Variants in STAB2 observed in about 807,000 individuals in gnomAD.
The protein encoded by STAB2 is stabilin 2, also known as stabilin-2.
A neutral mutation model predicts 338.1 loss-of-function variants in STAB2; 288 were observed. The observed-to-expected ratio is 0.85, with a 90% confidence interval of 0.77 to 0.94. The LOEUF (loss-of-function observed/expected upper bound fraction) is 0.94, where lower values mean the gene tolerates loss of function less well. Among genes scored for constraint, STAB2 ranks in the 40% least tolerant of loss-of-function variants. STAB2 has a pLI of 0.00. For missense variants in STAB2, 3,141 were observed against 3,210.1 expected, an observed-to-expected ratio of 0.98 and a Z score of 0.52; for synonymous variants, 1,202 against 1,193.3, an observed-to-expected ratio of 1.01 and a Z score of -0.15.
In STAB2 at chr12:103,620,491, C is replaced by G; in HGVS notation, c.355C>G (p.Pro119Ala). Residue 119 changes from proline (P) to alanine (A), a missense_variant, in exon 4 of 69, where the codon CCC (proline) becomes GCC (alanine). Transcript: ENST00000388887. ...AGAGTGCCCAGGTGGAGCGGGGTCA[C>G]CCTGCAATGGCAGAGGCAGTTGTGC... ...CIECPGGAGSPCNGRGSCAEG... is the reference protein window; with the variant it reads ...CIECPGGAGSACNGRGSCAEG... 3.2e-6 allele frequency: 5 copies of G among 1,584,706 alleles called. No individual in the cohort carries two copies. The highest frequency in any genetic ancestry group is 3.4e-6 in the Non-Finnish European group (4 of 1,164,064).
intron 61 of STAB2, among the ~76,000 whole-genome samples, chr12:103,754,578 A>G (rs1273933616): frequency 6.6e-6 from 1 of 152,134 alleles, no homozygotes; most frequent in Admixed American, 6.5e-5. Flanking sequence ...GGTGATTATG[A>G]TAATGGTGGT....
At chr12:103,732,474 G>A (rs1279449101) in intron 50 of STAB2, among the ~76,000 whole-genome samples, 1 of 152,158 alleles carries the variant, frequency 6.6e-6, no homozygotes, top group Non-Finnish European at 1.5e-5. Flanking sequence ...AGTCACTGGG[G>A]ACTCCAGAAT....
At chr12:103,746,949 CTTTTTT>C (rs370851005) in intron 58 of STAB2, among the ~76,000 whole-genome samples, 23 of 96,084 alleles carry the variant, frequency 2.4e-4, no homozygotes, top group Admixed American at 7.3e-4. Context: ...GTTTTTCTTT[CTTTTTT>C]TTTTTTTTTT....
At chr12:103,750,456 A>G in intron 59 of STAB2, 123 bp from the exon 60 acceptor site, 2 of 1,258,608 alleles carry the variant, frequency 1.6e-6, no homozygotes, top group East Asian at 2.3e-5. Flanking sequence ...ACTGGACAGG[A>G]AAGGCACGTT....
chr12:103,755,503 C>T (rs1327583350), intron 62 of STAB2, 36 bp downstream of exon 62: 5 of 1,610,712 alleles, frequency 3.1e-6, no homozygotes, highest in Non-Finnish European at 4.2e-6. Context: ...TTCTGGGCCA[C>T]ACAGCTGCTG....
At position 103,724,472 on chromosome 12, in the gene STAB2, G is replaced by A. The variant is rs551090002; in HGVS notation, c.4684-503G>A. On this transcript the variant is annotated intron_variant, in intron 44 of 68. Coordinates refer to ENST00000388887, the MANE Select transcript of STAB2 (RefSeq NM_017564.10). ...TGGGGTGAGTGTCCCTGCAGTGAGC[G>A]TTCCCATGGATGTTAGCTTTGAACC... Among the ~76,000 whole-genome samples the A allele has an allele frequency of 5.3e-5, 8 of 152,254 alleles. No individual in the cohort carries two copies. The East Asian group carries it at 5.8e-4, about 11-fold the overall frequency.
chr12:103,749,021 G>A lies in STAB2; in HGVS notation c.6303G>A (p.Gln2101=). The change falls in exon 59 of 69, where the codon CAG becomes CAA. Residue 2101 remains glutamine (Q), a synonymous_variant. Transcript: ENST00000388887. ...GTGCAAAGGTGGCCAGATGCTCCCA[G>A]AAGGGCACGAAGGTCTCCTGCAGCT... ...GGCAKVARCS[Q]KGTKVSCSCQ... is the part of the protein sequence containing the mutation. 1 of 1,614,134 alleles carries A rather than the reference G, an allele frequency of 6.2e-7. No individual in the cohort carries two copies. The highest frequency in any genetic ancestry group is 8.5e-7 in the Non-Finnish European group (1 of 1,180,022).
chr12:103,720,749 C>T (rs1354452855), intron 44 of STAB2, among the ~76,000 whole-genome samples: 4 of 152,184 alleles, frequency 2.6e-5, no homozygotes, highest in African/African-American at 9.6e-5. Context: ...ACAGAGGATA[C>T]CTGAGACTGG....
intron 18 of STAB2, among the ~76,000 whole-genome samples, chr12:103,666,021 G>T (rs1420519205): frequency 6.6e-6 from 1 of 152,192 alleles, no homozygotes; most frequent in Non-Finnish European, 1.5e-5. Flanking sequence ...CCGTGGACAG[G>T]CTGGCTCTGA....
Position 103,620,645 on chromosome 12 carries a change from A to ACC in STAB2, c.417+93_417+94insCC, listed in dbSNP as rs1490603356. 83 of 1,047,046 alleles carry ACC rather than the reference A, an allele frequency of 7.9e-5. No homozygotes were observed. The African/African-American group carries it at 1.2e-3, about 16-fold the overall frequency. The allele number at this position is 1,047,046 out of a possible 1,614,324, so 64.9% of individuals were successfully genotyped here. On this transcript the variant is annotated intron_variant, in intron 4 of 68. Transcript: ENST00000388887. ...CTTAAACACACACACACACACACAC[A>ACC]CACACACACGTGCACACACACATAT...
At chr12:103,591,232 C>T (rs186418795) in intron 2 of STAB2, among the ~76,000 whole-genome samples, 2 of 152,200 alleles carry the variant, frequency 1.3e-5, no homozygotes, top group Admixed American at 6.5e-5. Flanking sequence ...TGCCTGTAAT[C>T]CCAGCACTCT....
intron 44 of STAB2, among the ~76,000 whole-genome samples, chr12:103,721,664 G>A (rs1880775223): frequency 6.6e-6 from 1 of 152,222 alleles, no homozygotes; most frequent in Non-Finnish European, 1.5e-5. Flanking sequence ...AGGGTGGTAT[G>A]ACTAGAGCTA....
chr12:103,760,103 T>C (rs1418530801), intron 65 of STAB2, among the ~76,000 whole-genome samples: 3 of 152,202 alleles, frequency 2.0e-5, no homozygotes, highest in Admixed American at 1.3e-4. Flanking sequence ...CCAGTAAGGA[T>C]GTTCTTCTCT....
At chr12:103,761,525 G>GAGCGTCC (rs1555255536) in intron 66 of STAB2, 115 bp downstream of exon 66, 1 of 933,314 alleles carries the variant, frequency 1.1e-6, no homozygotes, top group African/African-American at 1.7e-5. Context: ...GAGACTGGAG[G>GAGCGTCC]AGCCTCCAGC....
In STAB2 at chr12:103,750,479, C is replaced by G. The variant is rs1036511598; in HGVS notation, c.6439-100C>G. ...GGAAAGGCACGTTCTCTTGGTCCAT[C>G]TGAACACCTCCTAGGCTGGACATTG... On this transcript the variant is annotated intron_variant, in intron 59 of 68. Transcript: ENST00000388887. 8.0e-6 allele frequency: 12 copies of G among 1,491,174 alleles called. No individual in the cohort carries two copies. In the African/African-American group the frequency reaches 1.7e-4, roughly 21 times the overall value. The allele number at this position is 1,491,174 out of a possible 1,614,324, so 92.4% of individuals were successfully genotyped here.
At chr12:103,670,867 G>C in intron 22 of STAB2, 60 bp downstream of exon 22, 4 of 1,405,010 alleles carry the variant, frequency 2.8e-6, no homozygotes, top group Non-Finnish European at 4.0e-6. Flanking sequence ...TCGTGCTGCA[G>C]CAGGGTGCTG....
At chr12:103,609,058 G>A (rs921125864) in intron 3 of STAB2, among the ~76,000 whole-genome samples, 2 of 152,106 alleles carry the variant, frequency 1.3e-5, no homozygotes, top group African/African-American at 4.8e-5. Flanking sequence ...CGCTGTTTTG[G>A]TACCAGTACC....
At chr12:103,729,618 A>T (rs1881477577) in intron 48 of STAB2, among the ~76,000 whole-genome samples, 1 of 152,252 alleles carries the variant, frequency 6.6e-6, no homozygotes, top group Non-Finnish European at 1.5e-5. Context: ...CAAATATTAA[A>T]GCCAGGATTA....
At chr12:103,750,946 G>A (rs1883590395) in intron 60 of STAB2, among the ~76,000 whole-genome samples, 1 of 152,194 alleles carries the variant, frequency 6.6e-6, no homozygotes, top group South Asian at 2.1e-4. Flanking sequence ...CAAAAAATCA[G>A]CCGGTTGTGG....
Sources: gnomAD v4.1 joint callset for allele counts (sites outside exome capture counted in the v4.1 genomes callset) on GRCh38, gnomAD v4.1.1 for gene constraint, MANE v1.5 for transcripts, NCBI Gene and HGNC (gene_info 2026-07-23, HGNC 2026-07-21) for gene names.